Variants in RASSF5 observed in about 807,000 individuals in gnomAD.
RASSF5 encodes the protein ras association domain-containing protein 5.
RASSF5 carries 25 observed loss-of-function variants against 40.5 expected under a neutral mutation model. That is an observed-to-expected ratio of 0.62 (90% CI 0.45 to 0.86). The LOEUF (loss-of-function observed/expected upper bound fraction) is 0.86, where lower values mean the gene tolerates loss of function less well. Ranked by LOEUF, RASSF5 falls within the 40% of genes least tolerant of loss-of-function variation. The pLI is 0.00. For synonymous variants in RASSF5, 246 were observed against 252.4 expected, an observed-to-expected ratio of 0.97 and a Z score of 0.24; for missense variants, 521 against 572.8, an observed-to-expected ratio of 0.91 and a Z score of 0.92.
rs556883869 is a variant in RASSF5 at position 206,577,126 on chromosome 1, T to C, written c.580-6143T>C. 2.2e-4 allele frequency among the ~76,000 whole-genome samples: 34 copies of C among 152,242 alleles called. 1 individual carries two copies. The South Asian group carries it at 7.1e-3, about 32-fold the overall frequency. ...ATGCCAGGCCCATAAATAGTTTTAC[T>C]GGAACCCAGTCACACTCATCCAGTA... On this transcript the variant is annotated intron_variant, in intron 2 of 5. Coordinates refer to ENST00000579436, the MANE Select transcript of RASSF5 (RefSeq NM_182663.4).
At chr1:206,557,454 G>T in intron 2 of RASSF5, 1 of 1,469,158 alleles carries the variant, frequency 6.8e-7, no homozygotes, top group Non-Finnish European at 9.0e-7. Context: ...CCGGCTCGGG[G>T]CTCAGAGCTA....
intron 2 of RASSF5, among the ~76,000 whole-genome samples, chr1:206,575,445 C>T (rs924036040): frequency 6.6e-6 from 1 of 152,124 alleles, no homozygotes; most frequent in Non-Finnish European, 1.5e-5. Flanking sequence ...GTTAAGAATG[C>T]GTAGACCGGC....
rs782531107 is a variant in RASSF5, at chr1:206,560,617, G to C, written c.579+22324G>C. ...CCACTTGGCTAGGCACAATTAGATCGTGTTTCTCTGGGTCAGGCATGTCAC... is the reference window on the plus strand; with the variant it reads ...CCACTTGGCTAGGCACAATTAGATCCTGTTTCTCTGGGTCAGGCATGTCAC... On this transcript the variant is annotated intron_variant, in intron 2 of 5. Transcript: ENST00000579436. This position sits in a 1 kb window ranked among gnomAD's most constrained non-coding sequence, Gnocchi z 5.1. 6.6e-6 allele frequency among the ~76,000 whole-genome samples: 1 copy of C among 152,212 alleles called. No individual in the cohort carries two copies. Among genetic ancestry groups the C allele is most frequent in the Non-Finnish European group, 1.5e-5 (1 of 68,044 alleles).
intron 1 of RASSF5, among the ~76,000 whole-genome samples, chr1:206,520,079 G>T (rs1050791952): frequency 1.3e-5 from 2 of 152,154 alleles, no homozygotes; most frequent in Non-Finnish European, 2.9e-5. Flanking sequence ...ATAGATTTAA[G>T]TAAAATCAAT....
intron 2 of RASSF5, among the ~76,000 whole-genome samples, chr1:206,566,442 G>GA (rs1294134750): frequency 6.6e-6 from 1 of 152,140 alleles, no homozygotes; most frequent in African/African-American, 2.4e-5. Context: ...TCCAATTCGT[G>GA]AACCCCTCAT....
At position 206,560,382 on chromosome 1, in the gene RASSF5, G is replaced by A. The variant is rs114837899; in HGVS notation, c.579+22089G>A. 0.031 allele frequency among the ~76,000 whole-genome samples: 4,753 copies of A among 152,288 alleles called. 101 individuals carry two copies. Among genetic ancestry groups the A allele is most frequent in the Admixed American group, 0.046 (707 of 15,300 alleles). ...GGGAAGAGGTCGGAGGGGTGGGAAA[G>A]GTCTCCCCATTTCATAGGAAGGGGG... On this transcript the variant is annotated intron_variant, in intron 2 of 5. Transcript: ENST00000579436. The surrounding 1 kb of genome is among the most constrained non-coding windows in gnomAD (Gnocchi z 5.1).
At chr1:206,529,529 C>T in intron 1 of RASSF5, 19 of 1,269,580 alleles carry the variant, frequency 1.5e-5, no homozygotes, top group Non-Finnish European at 2.2e-5. Context: ...CACAGGTTAA[C>T]TCAGAAGACA....
intron 2 of RASSF5, among the ~76,000 whole-genome samples, chr1:206,578,919 A>G (rs1488384176): frequency 6.6e-6 from 1 of 152,228 alleles, no homozygotes; most frequent in Non-Finnish European, 1.5e-5. Context: ...GATAAAATAA[A>G]GAAAAACAGC....
At chr1:206,529,204 A>T (rs1431927260) in intron 1 of RASSF5, 1 of 1,401,254 alleles carries the variant, frequency 7.1e-7, no homozygotes, top group African/African-American at 1.4e-5. Flanking sequence ...AAGCTGGCCC[A>T]CAAGTACAGA....
At chr1:206,509,008 G>A (rs1205918692) in intron 1 of RASSF5, among the ~76,000 whole-genome samples, 2 of 151,376 alleles carry the variant, frequency 1.3e-5, no homozygotes, top group Non-Finnish European at 2.9e-5. Flanking sequence ...TTGCTCTTGC[G>A]TGTTTATCAG....
intron 1 of RASSF5, among the ~76,000 whole-genome samples, chr1:206,509,015 T>G (rs147394948): frequency 0.026 from 3,923 of 152,156 alleles, 79 homozygotes; most frequent in Non-Finnish European, 0.036. Flanking sequence ...TGCGTGTTTA[T>G]CAGAGGATAT....
In RASSF5 at chr1:206,584,647, G is replaced by A. The variant is rs1263306357; in HGVS notation, c.951G>A (p.Lys317=). ...TCATGGTTGTGGACAATCCCCAGAA[G>A]TTTGCACTTTTTAAGCGGATACACA... ...KKFMVVDNPQ[K]FALFKRIHKD... The change falls in exon 4 of 6, where the codon AAG becomes AAA. Residue 317 remains lysine (K), a synonymous_variant. Coordinates refer to ENST00000579436, the MANE Select transcript of RASSF5 (RefSeq NM_182663.4). This position sits in a 1 kb window ranked among gnomAD's most constrained non-coding sequence, Gnocchi z 4.9. 6 of 1,614,226 alleles carry A rather than the reference G, an allele frequency of 3.7e-6. No individual in the cohort carries two copies. The African/African-American group carries it at 5.3e-5, about 14-fold the overall frequency.
chr1:206,516,533 C>T lies in RASSF5; in HGVS notation c.457+8474C>T, dbSNP rs1418814788. On this transcript the variant is annotated intron_variant, in intron 1 of 5. Transcript: ENST00000579436. ...GTGCAGTGGTGCAATCTCGGCTGAC[C>T]GCAACCTCTGCCTCCTGGGTTCAAG... Among the ~76,000 whole-genome samples the T allele has an allele frequency of 5.3e-5, 8 of 152,102 alleles. No homozygotes were observed. The South Asian group carries it at 8.3e-4, about 16-fold the overall frequency.
At chr1:206,554,793 T>C (rs1553401532) in intron 2 of RASSF5, among the ~76,000 whole-genome samples, 1 of 152,222 alleles carries the variant, frequency 6.6e-6, no homozygotes, top group African/African-American at 2.4e-5. Context: ...GGATTTTTCC[T>C]CCTGGAGGCT....
At chr1:206,517,420 T>C (rs1192662891) in intron 1 of RASSF5, among the ~76,000 whole-genome samples, 1 of 152,114 alleles carries the variant, frequency 6.6e-6, no homozygotes, top group Non-Finnish European at 1.5e-5. Flanking sequence ...TGCAGTGAGC[T>C]ATGATTGGAC....
At chr1:206,564,965 G>C (rs1409515467) in intron 2 of RASSF5, among the ~76,000 whole-genome samples, 5 of 152,056 alleles carry the variant, frequency 3.3e-5, no homozygotes, top group Non-Finnish European at 5.9e-5. Flanking sequence ...TTCTCCCACA[G>C]CATCCCAGCT....
intron 1 of RASSF5, among the ~76,000 whole-genome samples, chr1:206,525,990 G>A (rs1272054069): frequency 2.0e-5 from 3 of 152,084 alleles, no homozygotes; most frequent in African/African-American, 7.2e-5. Flanking sequence ...CACCTGTCCA[G>A]CACTTTCCCT....
At chr1:206,570,247 A>G (rs1319707477) in intron 2 of RASSF5, among the ~76,000 whole-genome samples, 1 of 151,752 alleles carries the variant, frequency 6.6e-6, no homozygotes, top group Non-Finnish European at 1.5e-5. Flanking sequence ...ATGGACCACC[A>G]CGCTTGGCTA....
intron 1 of RASSF5, 62 bp from the exon 2 acceptor site, chr1:206,538,110 T>TG: frequency 1.2e-6 from 2 of 1,608,630 alleles, no homozygotes; most frequent in Non-Finnish European, 1.7e-6. Context: ...GTTATTTCTC[T>TG]GGGTGAAAGT....
Sources: gnomAD v4.1 joint callset for allele counts (sites outside exome capture counted in the v4.1 genomes callset) on GRCh38, gnomAD v4.1.1 for gene constraint, Gnocchi (gnomAD v3.1) non-coding constraint, MANE v1.5 for transcripts, NCBI Gene and HGNC (gene_info 2026-07-23, HGNC 2026-07-21) for gene names.